The following WDR43 variants were observed in gnomAD, a reference collection of about 807,000 sequenced individuals.
The protein encoded by WDR43 is WD repeat domain 43, also known as WD repeat-containing protein 43.
Under a neutral mutation model 91.4 loss-of-function variants are expected in WDR43, and 13 were observed. The observed-to-expected ratio is 0.14, with a 90% confidence interval of 0.09 to 0.23. The LOEUF (loss-of-function observed/expected upper bound fraction) is 0.23, where lower values mean the gene tolerates loss of function less well. WDR43 is among the 10% of genes least tolerant of loss of function. The pLI is 1.00. For missense variants in WDR43, 780 were observed against 809.4 expected, an observed-to-expected ratio of 0.96 and a Z score of 0.44; for synonymous variants, 331 against 287.9, an observed-to-expected ratio of 1.15 and a Z score of -1.51.
At chr2:28,906,654 TTAA>T in intron 3 of WDR43, 73 bp downstream of exon 3, 1 of 1,527,212 alleles carries the variant, frequency 6.5e-7, no homozygotes, top group Non-Finnish European at 8.8e-7. Flanking sequence ...AATGCAGACA[TTAA>T]TAAGGTTATA....
chr2:28,920,518 C>G (rs1479270626), intron 6 of WDR43, among the ~76,000 whole-genome samples: 3 of 151,414 alleles, frequency 2.0e-5, no homozygotes, highest in Non-Finnish European at 2.9e-5. Flanking sequence ...ATAAGCCACC[C>G]CACTCAACCA....
Position 28,926,543 on chromosome 2 carries a change from G to T in WDR43, c.1162G>T (p.Ala388Ser). Residue 388 changes from alanine to serine, a missense_variant, in exon 9 of 18, where the codon GCT becomes TCT. Around this residue, in one of 4 missense-constraint regions of WDR43, gnomAD observed 426 missense variants for 467.8 expected, o/e 0.91. Transcript: ENST00000407426. ...CTGCTGGGCCCCCAAAGTAGAAACA[G>T]CTATAACAAAGGTGAGCACATTACA... The part of the protein sequence containing the change: ...SNCWAPKVET[A>S]ITKVRTPVMN... 2 of 1,593,620 alleles carry T rather than the reference G, an allele frequency of 1.3e-6. No individual in the cohort carries two copies. Among genetic ancestry groups the T allele is most frequent in the Non-Finnish European group, 1.7e-6 (2 of 1,168,868 alleles).
At chr2:28,910,191 G>T (rs1049700475) in intron 3 of WDR43, among the ~76,000 whole-genome samples, 8 of 152,204 alleles carry the variant, frequency 5.3e-5, no homozygotes, top group Non-Finnish European at 5.9e-5. Context: ...GGATTAGGGT[G>T]TGGGGAGGAT....
intron 3 of WDR43, among the ~76,000 whole-genome samples, chr2:28,909,787 T>A (rs965939070): frequency 1.5e-4 from 23 of 152,026 alleles, no homozygotes; most frequent in Non-Finnish European, 2.2e-4. Flanking sequence ...GGCAGGAGGG[T>A]CACTTGAGCT....
intron 14 of WDR43, among the ~76,000 whole-genome samples, chr2:28,939,191 T>C (rs1354561765): frequency 2.0e-5 from 3 of 151,096 alleles, no homozygotes; most frequent in African/African-American, 7.3e-5. Context: ...TTGGGAGCAC[T>C]GGTGAGAGGG....
intron 1 of WDR43, among the ~76,000 whole-genome samples, chr2:28,900,665 T>C (rs1670562667): frequency 1.3e-5 from 2 of 152,218 alleles, no homozygotes; most frequent in Non-Finnish European, 2.9e-5. Flanking sequence ...AACGGGGACC[T>C]AGAACACTCC....
chr2:28,922,791 T>G, intron 6 of WDR43, 128 bp from the exon 7 acceptor site: 1 of 586,112 alleles, frequency 1.7e-6, no homozygotes, highest in Non-Finnish European at 2.7e-6. Context: ...AATGGATTCT[T>G]GCTGTGTTTT....
At chr2:28,928,211 A>G (rs191450912) in intron 10 of WDR43, among the ~76,000 whole-genome samples, 1 of 152,290 alleles carries the variant, frequency 6.6e-6, no homozygotes, top group East Asian at 1.9e-4. Flanking sequence ...TTCCATTCAC[A>G]TTCTTCCCTC....
chr2:28,911,220 T>G (rs1434411329), intron 3 of WDR43, among the ~76,000 whole-genome samples: 3 of 152,162 alleles, frequency 2.0e-5, no homozygotes, highest in Non-Finnish European at 4.4e-5. Flanking sequence ...GGAATCTAAT[T>G]TTGTTTTTCT....
intron 15 of WDR43, among the ~76,000 whole-genome samples, chr2:28,941,999 C>A (rs1671446064): frequency 6.6e-6 from 1 of 152,172 alleles, no homozygotes; most frequent in African/African-American, 2.4e-5. Context: ...TCTGTTTCAA[C>A]TTTTACTCAA....
chr2:28,922,898 T>G (rs375042123), intron 6 of WDR43, 21 bp from the exon 7 acceptor site: 626 of 1,606,762 alleles, frequency 3.9e-4, no homozygotes, highest in Non-Finnish European at 4.6e-4. Context: ...TTATAATACG[T>G]TGGTTACATT....
At chr2:28,942,663 G>A (rs901367331) in intron 16 of WDR43, among the ~76,000 whole-genome samples, 4 of 137,162 alleles carry the variant, frequency 2.9e-5, no homozygotes, top group Non-Finnish European at 6.1e-5. Context: ...TGCCTAGGTT[G>A]TAGTGCAGTG....
chr2:28,897,549 A>G (rs1247348714), intron 1 of WDR43, among the ~76,000 whole-genome samples: 1 of 152,216 alleles, frequency 6.6e-6, no homozygotes, highest in Non-Finnish European at 1.5e-5. Flanking sequence ...GTATGTAATA[A>G]GTGGCTTAAT....
intron 6 of WDR43, among the ~76,000 whole-genome samples, chr2:28,921,655 T>A (rs1368704577): frequency 6.6e-6 from 1 of 152,102 alleles, no homozygotes; most frequent in East Asian, 1.9e-4. Flanking sequence ...TCAGTTGGAG[T>A]TGCAGAACGG....
At chr2:28,901,249 T>C (rs981277047) in intron 1 of WDR43, among the ~76,000 whole-genome samples, 4 of 152,258 alleles carry the variant, frequency 2.6e-5, no homozygotes, top group African/African-American at 9.6e-5. Flanking sequence ...TATAAACTGA[T>C]GTAGTGCTTT....
At chr2:28,928,467 G>A (rs966152803) in intron 10 of WDR43, among the ~76,000 whole-genome samples, 3 of 152,010 alleles carry the variant, frequency 2.0e-5, no homozygotes, top group Admixed American at 6.6e-5. Context: ...AAAATAAAGC[G>A]CCAACTTTCT....
chr2:28,899,688 A>C (rs917670061), intron 1 of WDR43, among the ~76,000 whole-genome samples: 1 of 152,018 alleles, frequency 6.6e-6, no homozygotes, highest in Non-Finnish European at 1.5e-5. Context: ...GTAGCACTAA[A>C]CTCTTGGTTT....
At chr2:28,924,450 A>G (rs1388910707) in intron 7 of WDR43, among the ~76,000 whole-genome samples, 1 of 152,168 alleles carries the variant, frequency 6.6e-6, no homozygotes. Context: ...TATTTATATC[A>G]TGTCCAAGGC....
At chr2:28,912,322 C>T (rs1670818422) in intron 3 of WDR43, among the ~76,000 whole-genome samples, 2 of 152,148 alleles carry the variant, frequency 1.3e-5, no homozygotes, top group African/African-American at 4.8e-5. Flanking sequence ...CACTCTCACT[C>T]ACTCATTTTC....
Sources: gnomAD v4.1 joint callset for allele counts (sites outside exome capture counted in the v4.1 genomes callset) on GRCh38, gnomAD v4.1.1 for gene constraint, gnomAD v4.1.1 regional missense constraint, MANE v1.5 for transcripts, NCBI Gene and HGNC (gene_info 2026-07-23, HGNC 2026-07-21) for gene names.